LRBA: variants seen among roughly 807,000 people sequenced by gnomAD.
The protein encoded by LRBA is LPS responsive beige-like anchor protein, also known as lipopolysaccharide-responsive and beige-like anchor protein.
Under a neutral mutation model 330.0 loss-of-function variants are expected in LRBA, and 176 were observed. The observed-to-expected ratio is 0.53, with a 90% confidence interval of 0.47 to 0.60. The LOEUF (loss-of-function observed/expected upper bound fraction) is 0.60, where lower values mean the gene tolerates loss of function less well. Ranked by LOEUF, LRBA falls within the 20% of genes least tolerant of loss-of-function variation. LRBA has a pLI of 0.00. For synonymous variants in LRBA, 1,230 were observed against 1,193.0 expected (o/e 1.03, Z -0.64); for missense variants, 3,259 against 3,444.8 (o/e 0.95, Z 1.35).
intron 37 of LRBA, among the ~76,000 whole-genome samples, chr4:150,653,471 C>G (rs1779897864): frequency 6.6e-6 from 1 of 152,190 alleles, no homozygotes; most frequent in Non-Finnish European, 1.5e-5. Context: ...ACCCTTTTTA[C>G]CTCACCCCAG....
chr4:150,730,638 G>A (rs868129638), intron 36 of LRBA, among the ~76,000 whole-genome samples: 24 of 116,744 alleles, frequency 2.1e-4, no homozygotes, highest in African/African-American at 7.4e-4. Flanking sequence ...AGCCAAGATC[G>A]CATCACTGCA....
At chr4:150,404,970 C>T (rs956839462) in intron 47 of LRBA, among the ~76,000 whole-genome samples, 2 of 152,154 alleles carry the variant, frequency 1.3e-5, no homozygotes, top group Admixed American at 6.5e-5. Context: ...ATCTAGAACA[C>T]AGTCAAACTC....
chr4:150,679,698 A>C (rs1782882947), intron 37 of LRBA: 1 of 152,236 alleles, frequency 6.6e-6, no homozygotes, highest in Non-Finnish European at 1.5e-5. Context: ...AGTTTCTTAA[A>C]GCAGCAGAAA....
intron 40 of LRBA, among the ~76,000 whole-genome samples, chr4:150,585,084 A>G (rs939149998): frequency 6.6e-6 from 1 of 152,220 alleles, no homozygotes; most frequent in African/African-American, 2.4e-5. Context: ...TGAATCCGAT[A>G]TACAAAGGAA....
upstream of LRBA, chr4:151,015,512 G>C (rs1187850766): frequency 6.5e-6 from 1 of 152,920 alleles, no homozygotes; most frequent in Non-Finnish European, 1.5e-5. Context: ...CGCTCCCCGG[G>C]AGTCCGCGGC....
intron 17 of LRBA, among the ~76,000 whole-genome samples, chr4:150,887,354 A>G (rs562898670): frequency 7.7e-4 from 117 of 152,206 alleles, no homozygotes; most frequent in Non-Finnish European, 1.5e-3. Flanking sequence ...GAAACAAACT[A>G]AACAAATGCT....
chr4:150,319,334 C>T (rs1732159830), intron 50 of LRBA, among the ~76,000 whole-genome samples: 1 of 152,082 alleles, frequency 6.6e-6, no homozygotes, highest in Non-Finnish European at 1.5e-5. Flanking sequence ...CAAACAGCCA[C>T]CCAGGATAAG....
intron 17 of LRBA, among the ~76,000 whole-genome samples, chr4:150,886,831 G>A (rs1023283286): frequency 3.3e-5 from 5 of 152,104 alleles, no homozygotes; most frequent in African/African-American, 1.2e-4. Context: ...CATACAAAGA[G>A]CCAAGAAAAT....
At chr4:150,395,300 C>T (rs1456662547) in intron 47 of LRBA, among the ~76,000 whole-genome samples, 2 of 152,010 alleles carry the variant, frequency 1.3e-5, no homozygotes, top group Admixed American at 6.6e-5. Context: ...TTCTGTAATG[C>T]CTATTTCAAT....
intron 36 of LRBA, among the ~76,000 whole-genome samples, chr4:150,688,162 C>A (rs1380760726): frequency 6.6e-6 from 1 of 152,090 alleles, no homozygotes; most frequent in Non-Finnish European, 1.5e-5. Context: ...CATCTACAAC[C>A]ATCTCATCTT....
intron 40 of LRBA, among the ~76,000 whole-genome samples, chr4:150,576,164 T>TTAA (rs1554058138): frequency 5.6e-5 from 8 of 142,830 alleles, no homozygotes; most frequent in African/African-American, 2.0e-4. Flanking sequence ...AACTGGTTTT[T>TTAA]AAAAAAAAAA....
chr4:150,635,524 T>C (rs1415100555), intron 37 of LRBA, among the ~76,000 whole-genome samples: 1 of 152,206 alleles, frequency 6.6e-6, no homozygotes, highest in East Asian at 1.9e-4. Context: ...CCAGGGTTTG[T>C]CTTTCATCTC....
Position 150,341,075 on chromosome 4 carries a change from G to A in LRBA, c.7362+8917C>T, listed in dbSNP as rs113873220. Among the ~76,000 whole-genome samples, 940 of 152,286 alleles carry A rather than the reference G, an allele frequency of 6.2e-3. 9 individuals are homozygous for A. Among genetic ancestry groups the A allele is most frequent in the African/African-American group, 0.021 (891 of 41,566 alleles). On this transcript the variant is annotated intron_variant, in intron 48 of 56. Coordinates refer to ENST00000651943, the MANE Select transcript of LRBA (RefSeq NM_001364905.1). ...GAAAAAGGTGACCTGGTCTACTAGC[G>A]TTAGTCCAGTGGGGAGAGTATGGTG...
chr4:150,898,006 T>A (rs1347202842), intron 14 of LRBA, among the ~76,000 whole-genome samples, 188 bp from the exon 15 acceptor site: 1 of 152,030 alleles, frequency 6.6e-6, no homozygotes, highest in Non-Finnish European at 1.5e-5. Context: ...GTATACACAA[T>A]ATTTCAAACA....
intron 40 of LRBA, among the ~76,000 whole-genome samples, chr4:150,506,001 C>T (rs191700696): frequency 1.3e-5 from 2 of 152,326 alleles, no homozygotes; most frequent in African/African-American, 4.8e-5. Context: ...TTCCTCGACA[C>T]ATACATCCTC....
intron 9 of LRBA, among the ~76,000 whole-genome samples, chr4:150,913,694 A>G (rs925826086): frequency 6.6e-6 from 1 of 152,176 alleles, no homozygotes; most frequent in African/African-American, 2.4e-5. Context: ...TTTGCTTCAT[A>G]TATTTGAGAG....
intron 37 of LRBA, among the ~76,000 whole-genome samples, chr4:150,667,229 AGGGACT>A (rs1240466654): frequency 1.3e-5 from 2 of 152,234 alleles, no homozygotes; most frequent in Admixed American, 1.3e-4. Flanking sequence ...GTTACTTTAC[AGGGACT>A]TTGTGGATGT....
chr4:150,961,191 G>C (rs766748567), intron 2 of LRBA, among the ~76,000 whole-genome samples: 1 of 149,126 alleles, frequency 6.7e-6, no homozygotes, highest in Non-Finnish European at 1.5e-5. Flanking sequence ...TGGTTTTGAG[G>C]GTCAAACCCA....
intron 34 of LRBA, among the ~76,000 whole-genome samples, chr4:150,795,792 A>G (rs1433948783): frequency 6.6e-6 from 1 of 151,938 alleles, no homozygotes; most frequent in Non-Finnish European, 1.5e-5. Context: ...ACCAAATGTG[A>G]TCATTTCCTC....
Sources: allele counts gnomAD v4.1 joint callset (sites outside exome capture counted in the v4.1 genomes callset), GRCh38; gene constraint gnomAD v4.1.1; transcripts MANE v1.5; gene names NCBI Gene and HGNC (gene_info 2026-07-23, HGNC 2026-07-21).